The following PSMA1 variants were observed in gnomAD, a reference collection of about 807,000 sequenced individuals.
PSMA1 encodes proteasome 20S subunit alpha 1.
A neutral mutation model predicts 38.4 loss-of-function variants in PSMA1; 3 were observed. The ratio of observed to expected loss-of-function variants is 0.08; its 90% CI spans 0.04 to 0.20. The LOEUF is 0.20. PSMA1 is among the 10% of genes least tolerant of loss of function. The pLI is 1.00. For synonymous variants in PSMA1, 101 were observed against 107.1 expected, an observed-to-expected ratio of 0.94 and a Z score of 0.35; for missense variants, 227 against 325.3, an observed-to-expected ratio of 0.70 and a Z score of 2.32.
chr11:14,633,644 C>T (rs1288129978), intron 1 of PSMA1, among the ~76,000 whole-genome samples: 1 of 152,206 alleles, frequency 6.6e-6, no homozygotes, highest in African/African-American at 2.4e-5. Flanking sequence ...GGCAGGCCTC[C>T]TTGAGCTGTG....
At chr11:14,513,532 C>CAAAAAAAA (rs59773789) in intron 7 of PSMA1, 38 bp downstream of exon 7, 4 of 1,155,220 alleles carry the variant, frequency 3.5e-6, no homozygotes, top group Non-Finnish European at 4.3e-6. Context: ...CTGGAAAAGG[C>CAAAAAAAA]AAAAAAAAAA....
intron 2 of PSMA1, among the ~76,000 whole-genome samples, chr11:14,551,310 G>T (rs1851881374): frequency 6.6e-6 from 1 of 152,122 alleles, no homozygotes; most frequent in Non-Finnish European, 1.5e-5. Context: ...CAAAAGCAAA[G>T]AAATTATATG....
chr11:14,591,539 G>A (rs1326377329), intron 2 of PSMA1, among the ~76,000 whole-genome samples: 1 of 152,198 alleles, frequency 6.6e-6, no homozygotes, highest in African/African-American at 2.4e-5. Flanking sequence ...GAGTCTGGCG[G>A]GGCCTTGGAG....
At chr11:14,574,432 CTGCAGGTGCACA>C (rs1175960707) in intron 2 of PSMA1, among the ~76,000 whole-genome samples, 2 of 152,204 alleles carry the variant, frequency 1.3e-5, no homozygotes, top group Non-Finnish European at 2.9e-5. Flanking sequence ...GGTGTTAAGC[CTGCAGGTGCACA>C]TAGTGCAAGA....
chr11:14,568,255 T>C (rs1294737090), intron 2 of PSMA1, among the ~76,000 whole-genome samples: 1 of 152,198 alleles, frequency 6.6e-6, no homozygotes, highest in African/African-American at 2.4e-5. Flanking sequence ...CTTGTGCTCA[T>C]TCCATCCCAC....
chr11:14,522,462 T>C (rs1300851824), upstream of PSMA1, among the ~76,000 whole-genome samples: 2 of 152,182 alleles, frequency 1.3e-5, no homozygotes, highest in East Asian at 3.8e-4. Flanking sequence ...GCAAAAAAAG[T>C]TATATCCATT....
At chr11:14,618,792 G>T (rs919343431) in intron 1 of PSMA1, among the ~76,000 whole-genome samples, 1 of 152,188 alleles carries the variant, frequency 6.6e-6, no homozygotes, top group Non-Finnish European at 1.5e-5. Flanking sequence ...TTCCCTGAAG[G>T]ATACTAAACA....
chr11:14,617,711 G>GTGTGTGTGTA (rs1852793319), intron 1 of PSMA1, among the ~76,000 whole-genome samples: 1 of 150,822 alleles, frequency 6.6e-6, no homozygotes, highest in African/African-American at 2.4e-5. Context: ...GTGTGTGTGT[G>GTGTGTGTGTA]TGTGTGTGTG....
intron 2 of PSMA1, among the ~76,000 whole-genome samples, chr11:14,558,250 A>T: frequency 5.0e-5 from 1 of 19,910 alleles, no homozygotes; most frequent in African/African-American, 3.2e-4. Flanking sequence ...CCATCTGCAC[A>T]AAAAAAAAAA....
At chr11:14,533,433 C>G (rs1377152881) in intron 2 of PSMA1, among the ~76,000 whole-genome samples, 1 of 152,158 alleles carries the variant, frequency 6.6e-6, no homozygotes, top group East Asian at 1.9e-4. Context: ...CCCCTGCACC[C>G]AAGTACAGCT....
At chr11:14,553,646 T>C (rs988653108) in intron 2 of PSMA1, among the ~76,000 whole-genome samples, 1 of 152,192 alleles carries the variant, frequency 6.6e-6, no homozygotes, top group Non-Finnish European at 1.5e-5. Context: ...TTGCATGTAC[T>C]AATAGATTGT....
At chr11:14,553,191 G>A (rs1358950008) in intron 2 of PSMA1, among the ~76,000 whole-genome samples, 2 of 151,916 alleles carry the variant, frequency 1.3e-5, no homozygotes, top group Non-Finnish European at 2.9e-5. Context: ...TAGATTCATA[G>A]GAAATTCATA....
chr11:14,635,999 TA>T (rs1853109066), intron 1 of PSMA1, among the ~76,000 whole-genome samples: 1 of 152,188 alleles, frequency 6.6e-6, no homozygotes, highest in African/African-American at 2.4e-5. Context: ...ATTTTAAACT[TA>T]TTTTTTTTAC....
At chr11:14,612,879 T>G (rs1310468363) in intron 1 of PSMA1, among the ~76,000 whole-genome samples, 2 of 151,974 alleles carry the variant, frequency 1.3e-5, no homozygotes, top group Non-Finnish European at 2.9e-5. Flanking sequence ...AGGGCAGGAG[T>G]TAGGAAGAAA....
chr11:14,584,814 C>G (rs1240720574), intron 2 of PSMA1, among the ~76,000 whole-genome samples: 1 of 152,190 alleles, frequency 6.6e-6, no homozygotes, highest in Non-Finnish European at 1.5e-5. Flanking sequence ...GCCATTCTGC[C>G]TTTGCCCTTA....
At chr11:14,574,537 T>A (rs933623602) in intron 2 of PSMA1, among the ~76,000 whole-genome samples, 11 of 152,234 alleles carry the variant, frequency 7.2e-5, no homozygotes, top group Non-Finnish European at 1.0e-4. Flanking sequence ...AATCTCATCT[T>A]GAATGGTAGT....
At chr11:14,513,532 CAAA>C (rs59773789) in intron 7 of PSMA1, 35 bp downstream of exon 7, 60,388 of 1,082,510 alleles carry the variant, frequency 0.056, 2 homozygotes, top group East Asian at 0.096. Flanking sequence ...CTGGAAAAGG[CAAA>C]AAAAAAAAAA....
chr11:14,603,328 C>T (rs1408249745), intron 2 of PSMA1, among the ~76,000 whole-genome samples: 1 of 152,178 alleles, frequency 6.6e-6, no homozygotes, highest in African/African-American at 2.4e-5. Context: ...AACTTTGACT[C>T]TCACACTTAA....
intron 2 of PSMA1, among the ~76,000 whole-genome samples, chr11:14,540,709 G>T (rs1851764413): frequency 1.3e-5 from 2 of 152,166 alleles, no homozygotes; most frequent in East Asian, 1.9e-4. Context: ...TAAAGAAGAA[G>T]ATTGTTTTAG....
Sources: allele counts gnomAD v4.1 joint callset (sites outside exome capture counted in the v4.1 genomes callset), GRCh38; gene constraint gnomAD v4.1.1; transcripts MANE v1.5; gene names NCBI Gene and HGNC (gene_info 2026-07-23, HGNC 2026-07-21).